Variants in NFKB1 observed in about 807,000 individuals in gnomAD.
NFKB1 encodes nuclear factor NF-kappa-B p105 subunit.
Under a neutral mutation model 105.1 loss-of-function variants are expected in NFKB1, and 9 were observed. That is an observed-to-expected ratio of 0.09 (90% CI 0.05 to 0.15). The LOEUF (loss-of-function observed/expected upper bound fraction) is 0.15, where lower values mean the gene tolerates loss of function less well. Among genes scored for constraint, NFKB1 ranks in the 10% least tolerant of loss-of-function variants. The probability of loss-of-function intolerance (pLI) is 1.00; values close to 1 mark genes in which losing one functional copy is unlikely to be tolerated. For missense variants in NFKB1, 830 were observed against 1,203.7 expected (o/e 0.69, Z 4.59); for synonymous variants, 440 against 442.2 (o/e 1.00, Z 0.06).
chr4:102,534,100 A>G (rs1741479229), intron 4 of NFKB1, among the ~76,000 whole-genome samples: 1 of 152,188 alleles, frequency 6.6e-6, no homozygotes, highest in African/African-American at 2.4e-5. Context: ...GTTCTGTAAA[A>G]CTGCAGTTAA....
At chr4:102,553,436 A>G (rs1054084220) in intron 5 of NFKB1, among the ~76,000 whole-genome samples, 3 of 152,172 alleles carry the variant, frequency 2.0e-5, no homozygotes, top group Non-Finnish European at 4.4e-5. Context: ...GTCAAAAACA[A>G]TGTGTTTAAA....
chr4:102,575,281 G>A (rs1477170599), intron 6 of NFKB1, among the ~76,000 whole-genome samples: 1 of 152,132 alleles, frequency 6.6e-6, no homozygotes, highest in Non-Finnish European at 1.5e-5. Context: ...GCCTGGACAC[G>A]TGACTTATTC....
Position 102,607,191 on chromosome 4 carries a change from C to T in NFKB1, c.1996C>T (p.Pro666Ser). ...IHLAMMSNSL[P>S]CLLLLVAAGA... is the part of the protein sequence containing the mutation. ...TCTAGCCATGATGAGCAATAGCCTG[C>T]CATGTTTGCTGCTGCTGGTGGCCGC... Residue 666 changes from proline to serine, a missense_variant, in exon 18 of 24, where the codon CCA (proline) becomes TCA (serine). By Grantham distance (74) the Pro-to-Ser change is moderately conservative. This residue lies in a region of NFKB1 where 418 missense variants were observed against 575.3 expected (regional missense o/e 0.73). Transcript: ENST00000226574. The T allele has an allele frequency of 1.9e-6, 3 of 1,614,170 alleles. No individual in the cohort carries two copies. Among genetic ancestry groups the T allele is most frequent in the African/African-American group, 1.3e-5 (1 of 75,038 alleles).
intron 4 of NFKB1, among the ~76,000 whole-genome samples, chr4:102,535,513 C>A (rs1305276692): frequency 6.6e-6 from 1 of 152,128 alleles, no homozygotes; most frequent in Non-Finnish European, 1.5e-5. Context: ...AGGTTGTATT[C>A]AAGTCAGACT....
intron 1 of NFKB1, among the ~76,000 whole-genome samples, chr4:102,516,277 G>T (rs1054632910): frequency 1.3e-5 from 2 of 151,754 alleles, no homozygotes. Context: ...TGAGATTCTT[G>T]GATCTGTGGG....
chr4:102,577,280 C>T (rs1724905867), intron 7 of NFKB1, among the ~76,000 whole-genome samples: 1 of 152,146 alleles, frequency 6.6e-6, no homozygotes, highest in Non-Finnish European at 1.5e-5. Context: ...ATCTCCAGCC[C>T]ACCTTGCATC....
At chr4:102,533,070 A>G (rs1214793687) in intron 3 of NFKB1, among the ~76,000 whole-genome samples, 1 of 152,190 alleles carries the variant, frequency 6.6e-6, no homozygotes, top group Non-Finnish European at 1.5e-5. Flanking sequence ...ATCTTCAATT[A>G]AATTATTTTC....
At chr4:102,513,616 T>G (rs938030748) in intron 1 of NFKB1, among the ~76,000 whole-genome samples, 1 of 152,152 alleles carries the variant, frequency 6.6e-6, no homozygotes, top group African/African-American at 2.4e-5. Flanking sequence ...TTTAGATGCT[T>G]CTTTCAGGGG....
intron 5 of NFKB1, among the ~76,000 whole-genome samples, chr4:102,556,345 T>C (rs1303863831): frequency 6.6e-6 from 1 of 151,788 alleles, no homozygotes; most frequent in East Asian, 1.9e-4. Context: ...CTGCATGGAG[T>C]AGACAATTCA....
chr4:102,599,114 T>A (rs1054158459), intron 15 of NFKB1, among the ~76,000 whole-genome samples: 2 of 152,114 alleles, frequency 1.3e-5, no homozygotes, highest in Non-Finnish European at 2.9e-5. Flanking sequence ...GAAATTCCCA[T>A]AAGGGTGTGA....
rs371986555 is a variant in NFKB1, at chr4:102,600,931, A to G, written c.1674A>G (p.Gln558=). The G allele has an allele frequency of 2.7e-5, 44 of 1,611,806 alleles. 1 individual carries two copies. In the African/African-American group the frequency reaches 4.9e-4, roughly 18 times the overall value. ...TAGCAATCATCCACCTTCATTCTCA[A>G]CTTGTGAGGGATCTACTAGAAGTCA... ...LHLAIIHLHS[Q]LVRDLLEVTS... The change falls in exon 16 of 24, where the codon CAA becomes CAG. Residue 558 remains glutamine, a synonymous_variant. Transcript: ENST00000226574.
chr4:102,543,348 A>C (rs1721871987), intron 5 of NFKB1, among the ~76,000 whole-genome samples: 1 of 152,126 alleles, frequency 6.6e-6, no homozygotes, highest in African/African-American at 2.4e-5. Context: ...AAAACCAGAA[A>C]TTGACAAGAA....
intron 6 of NFKB1, among the ~76,000 whole-genome samples, chr4:102,569,395 G>A (rs376589555): frequency 2.0e-5 from 3 of 152,000 alleles, no homozygotes; most frequent in African/African-American, 4.8e-5. Flanking sequence ...CTAACATTAC[G>A]TAATATTATG....
At chr4:102,545,035 C>T (rs1331544832) in intron 5 of NFKB1, among the ~76,000 whole-genome samples, 1 of 152,148 alleles carries the variant, frequency 6.6e-6, no homozygotes, top group Admixed American at 6.6e-5. Flanking sequence ...AGTGGGGCAA[C>T]TCTCGGCATT....
At chr4:102,579,285 C>A (rs1313099480) in intron 8 of NFKB1, among the ~76,000 whole-genome samples, 1 of 152,106 alleles carries the variant, frequency 6.6e-6, no homozygotes, top group South Asian at 2.1e-4. Context: ...TAGTCTTTTA[C>A]ATGAAATGTC....
chr4:102,555,224 C>G (rs1722897728), intron 5 of NFKB1, among the ~76,000 whole-genome samples: 1 of 152,188 alleles, frequency 6.6e-6, no homozygotes. Flanking sequence ...CCTGTTGGGC[C>G]CCACTGTCCT....
intron 4 of NFKB1, chr4:102,537,607 A>C: frequency 2.9e-6 from 1 of 342,828 alleles, no homozygotes; most frequent in Non-Finnish European, 5.5e-6. Flanking sequence ...CATGCATAGC[A>C]TGAGAGGTTC....
rs183104078 is a variant in NFKB1 at position 102,535,192 on chromosome 4, C to T, written c.159+1307C>T. 7.2e-5 allele frequency among the ~76,000 whole-genome samples: 11 copies of T among 152,244 alleles called. No individual in the cohort carries two copies. The East Asian group carries it at 2.1e-3, about 29-fold the overall frequency. On this transcript the variant is annotated intron_variant, in intron 4 of 23. Coordinates refer to ENST00000226574, the MANE Select transcript of NFKB1 (RefSeq NM_003998.4). ...CTTAAAGTTCTGTGGGCTCTGGCAT[C>T]CTGGAAAATTTCCCAGCTTTTAAGA...
intron 16 of NFKB1, among the ~76,000 whole-genome samples, chr4:102,602,135 A>G (rs1447274608): frequency 3.3e-5 from 5 of 152,154 alleles, no homozygotes; most frequent in African/African-American, 1.2e-4. Flanking sequence ...TCCTCACTTT[A>G]AAGGAAAATG....
Sources: allele counts gnomAD v4.1 joint callset (sites outside exome capture counted in the v4.1 genomes callset), GRCh38; gene constraint gnomAD v4.1.1; regional missense constraint gnomAD v4.1.1; transcripts MANE v1.5; gene names NCBI Gene and HGNC (gene_info 2026-07-23, HGNC 2026-07-21).